The following RSPO2 variants were observed in gnomAD, a reference collection of about 807,000 sequenced individuals.
RSPO2 encodes R-spondin 2, also known as R-spondin-2.
Under a neutral mutation model 30.9 loss-of-function variants are expected in RSPO2, and 14 were observed. That is an observed-to-expected ratio of 0.45 (90% confidence interval 0.30 to 0.71). The LOEUF (loss-of-function observed/expected upper bound fraction) is 0.71, where lower values mean the gene tolerates loss of function less well. RSPO2 is among the 30% of genes least tolerant of loss of function. The probability of loss-of-function intolerance (pLI) is 0.08; values close to 1 mark genes in which losing one functional copy is unlikely to be tolerated. For missense variants in RSPO2, 264 were observed against 301.9 expected, an observed-to-expected ratio of 0.87 and a Z score of 0.93; for synonymous variants, 107 against 96.4, an observed-to-expected ratio of 1.11 and a Z score of -0.64.
chr8:107,912,341 G>A (rs1451058293), intron 5 of RSPO2, among the ~76,000 whole-genome samples: 4 of 152,126 alleles, frequency 2.6e-5, no homozygotes, highest in African/African-American at 9.7e-5. Flanking sequence ...ATAAAGTACT[G>A]CTGAAAGGGT....
At chr8:108,021,770 G>T (rs894243560) in intron 2 of RSPO2, among the ~76,000 whole-genome samples, 1 of 151,932 alleles carries the variant, frequency 6.6e-6, no homozygotes, top group Non-Finnish European at 1.5e-5. Flanking sequence ...GGGCCTGTCG[G>T]GGGCAGGGGT....
intron 5 of RSPO2, among the ~76,000 whole-genome samples, chr8:107,935,315 C>T (rs895156318): frequency 6.6e-5 from 10 of 151,878 alleles, no homozygotes; most frequent in African/African-American, 1.7e-4. Flanking sequence ...ATATTAATAA[C>T]CCAATAGTTA....
At chr8:108,013,016 G>T (rs1810757200) in intron 2 of RSPO2, among the ~76,000 whole-genome samples, 1 of 152,168 alleles carries the variant, frequency 6.6e-6, no homozygotes, top group Non-Finnish European at 1.5e-5. Flanking sequence ...CAAGGGATAT[G>T]CTGTGGAAAG....
At chr8:108,067,517 T>A (rs2130717792) in intron 2 of RSPO2, among the ~76,000 whole-genome samples, 1 of 152,322 alleles carries the variant, frequency 6.6e-6, no homozygotes, top group African/African-American at 2.4e-5. Flanking sequence ...TCAGCCTGGG[T>A]GAGGCATATG....
intron 3 of RSPO2, among the ~76,000 whole-genome samples, chr8:107,969,197 G>A (rs558089354): frequency 6.6e-6 from 1 of 152,014 alleles, no homozygotes; most frequent in Non-Finnish European, 1.5e-5. Flanking sequence ...CCTGACGTAG[G>A]CTGTGATTTA....
At chr8:108,059,389 T>A (rs1812371991) in intron 2 of RSPO2, among the ~76,000 whole-genome samples, 1 of 151,530 alleles carries the variant, frequency 6.6e-6, no homozygotes, top group South Asian at 2.1e-4. Context: ...TAGGGACAAT[T>A]TTACACTGTT....
intron 3 of RSPO2, among the ~76,000 whole-genome samples, chr8:107,971,553 A>G (rs202238336): frequency 6.6e-6 from 1 of 152,180 alleles, no homozygotes; most frequent in East Asian, 1.9e-4. Context: ...GGACCAGTAC[A>G]TTAAACAGTG....
chr8:108,026,204 A>G (rs924233672), intron 2 of RSPO2, among the ~76,000 whole-genome samples: 1 of 152,220 alleles, frequency 6.6e-6, no homozygotes, highest in Non-Finnish European at 1.5e-5. Context: ...ATTGTACAGA[A>G]TAACTGGCCA....
At chr8:107,954,909 T>C (rs1311544969) in intron 5 of RSPO2, among the ~76,000 whole-genome samples, 3 of 152,132 alleles carry the variant, frequency 2.0e-5, no homozygotes, top group Non-Finnish European at 4.4e-5. Flanking sequence ...GCGCCTGGCC[T>C]CTCTTTTTTC....
chr8:108,032,937 CT>C (rs953274760), intron 2 of RSPO2, among the ~76,000 whole-genome samples: 3 of 150,018 alleles, frequency 2.0e-5, no homozygotes, highest in Non-Finnish European at 4.4e-5. Flanking sequence ...GTAGTCCCAG[CT>C]ACTTGGGAGG....
At chr8:108,040,332 G>T (rs749245288) in intron 2 of RSPO2, among the ~76,000 whole-genome samples, 14 of 152,052 alleles carry the variant, frequency 9.2e-5, no homozygotes, top group African/African-American at 1.4e-4. Context: ...CTTCTCCACT[G>T]AAGGCATCTA....
At chr8:107,937,733 AG>A (rs745641867) in intron 5 of RSPO2, among the ~76,000 whole-genome samples, 1 of 152,152 alleles carries the variant, frequency 6.6e-6, no homozygotes, top group Non-Finnish European at 1.5e-5. Flanking sequence ...TGATCGCAAA[AG>A]AATCACCATA....
intron 2 of RSPO2, among the ~76,000 whole-genome samples, chr8:108,062,148 A>G (rs969417296): frequency 2.6e-5 from 4 of 151,964 alleles, no homozygotes; most frequent in African/African-American, 9.7e-5. Context: ...AAGCAAACAC[A>G]TTCAAAAGCT....
At chr8:108,001,238 T>C (rs139545302) in intron 2 of RSPO2, among the ~76,000 whole-genome samples, 4 of 152,128 alleles carry the variant, frequency 2.6e-5, no homozygotes, top group Non-Finnish European at 5.9e-5. Context: ...AAAACAGTCA[T>C]GAATACCCCA....
intron 5 of RSPO2, among the ~76,000 whole-genome samples, chr8:107,951,858 TATGTCTATGTCC>T (rs1395551466): frequency 1.2e-4 from 19 of 152,112 alleles, no homozygotes; most frequent in Non-Finnish European, 1.5e-5. Context: ...CCTTTATATT[TATGTCTATGTCC>T]ATGTCTATGC....
intron 2 of RSPO2, among the ~76,000 whole-genome samples, chr8:108,006,336 G>A (rs903856577): frequency 6.6e-6 from 1 of 151,604 alleles, no homozygotes; most frequent in African/African-American, 2.4e-5. Context: ...GAAATGTGAA[G>A]GTTAAAGTTT....
At chr8:108,009,619 G>A (rs576872948) in intron 2 of RSPO2, among the ~76,000 whole-genome samples, 98 of 152,062 alleles carry the variant, frequency 6.4e-4, no homozygotes, top group Non-Finnish European at 1.1e-3. Context: ...TCATTCAAAT[G>A]CTCAAGTGGA....
chr8:107,925,656 T>C (rs1392904439), intron 5 of RSPO2, among the ~76,000 whole-genome samples: 1 of 152,088 alleles, frequency 6.6e-6, no homozygotes, highest in Non-Finnish European at 1.5e-5. Context: ...CATGTGGTGT[T>C]TGGTTTTTTG....
At chr8:108,042,342 G>T (rs941044095) in intron 2 of RSPO2, among the ~76,000 whole-genome samples, 1 of 152,150 alleles carries the variant, frequency 6.6e-6, no homozygotes, top group Admixed American at 6.6e-5. Flanking sequence ...GACTACAAAG[G>T]AGACTGTCCA....
Sources: gnomAD v4.1 joint callset for allele counts (sites outside exome capture counted in the v4.1 genomes callset) on GRCh38, gnomAD v4.1.1 for gene constraint, MANE v1.5 for transcripts, NCBI Gene and HGNC (gene_info 2026-07-23, HGNC 2026-07-21) for gene names.